IGFBP7: variants seen among roughly 807,000 people sequenced by gnomAD.
The protein encoded by IGFBP7 is insulin-like growth factor-binding protein 7.
IGFBP7 carries 31 observed loss-of-function variants against 29.4 expected under a neutral mutation model. The observed-to-expected ratio is 1.05, with a 90% CI of 0.79 to 1.42. The LOEUF (loss-of-function observed/expected upper bound fraction) is 1.42, where lower values mean the gene tolerates loss of function less well. Ranked by LOEUF, IGFBP7 falls within the 40% of genes most tolerant of loss-of-function variation. The pLI is 0.00. For synonymous variants in IGFBP7, 172 were observed against 174.9 expected (o/e 0.98, Z 0.13); for missense variants, 393 against 395.5 (o/e 0.99, Z 0.05).
chr4:57,058,246 C>A (rs557708149), intron 1 of IGFBP7, among the ~76,000 whole-genome samples: 2 of 152,170 alleles, frequency 1.3e-5, no homozygotes, highest in Non-Finnish European at 2.9e-5. Context: ...CTTTCTGGAA[C>A]ATACTGATCA....
At chr4:57,043,028 C>T (rs1301101960) in intron 1 of IGFBP7, among the ~76,000 whole-genome samples, 3 of 152,202 alleles carry the variant, frequency 2.0e-5, no homozygotes, top group African/African-American at 4.8e-5. Context: ...ACCGAGAGAG[C>T]GGGTGCTTGC....
At chr4:57,093,759 C>T (rs1725693047) in intron 1 of IGFBP7, among the ~76,000 whole-genome samples, 1 of 152,090 alleles carries the variant, frequency 6.6e-6, no homozygotes, top group Non-Finnish European at 1.5e-5. Flanking sequence ...TAGCTCAAGT[C>T]TAAGCAAACA....
In IGFBP7 at chr4:57,068,828, A is replaced by C. The variant is rs527244977; in HGVS notation, c.476-27895T>G. Among the ~76,000 whole-genome samples the C allele has an allele frequency of 3.9e-5, 6 of 152,324 alleles. No homozygotes were observed. In the South Asian group the frequency reaches 1.2e-3, roughly 32 times the overall value. The stretch of plus-strand genomic sequence containing the variant: ...TTAGAACATGGGCTCATGCCCTCAA[A>C]GTTGACTGATAGCTGGAGCATGCTT... On this transcript the variant is annotated intron_variant, in intron 1 of 4. Transcript: ENST00000295666.
intron 1 of IGFBP7, among the ~76,000 whole-genome samples, chr4:57,087,013 C>T (rs927926339): frequency 1.3e-5 from 2 of 152,172 alleles, no homozygotes; most frequent in South Asian, 2.1e-4. Context: ...GGACCACAGG[C>T]GTGAGCCACT....
At chr4:57,069,205 G>T (rs1724996638) in intron 1 of IGFBP7, among the ~76,000 whole-genome samples, 1 of 152,176 alleles carries the variant, frequency 6.6e-6, no homozygotes, top group Non-Finnish European at 1.5e-5. Context: ...GAGTTGTCCA[G>T]TAAAGAAACT....
intron 1 of IGFBP7, among the ~76,000 whole-genome samples, chr4:57,081,522 C>A (rs1229417994): frequency 6.6e-6 from 1 of 151,992 alleles, no homozygotes; most frequent in East Asian, 1.9e-4. Context: ...TTAGTCACAT[C>A]CTTCTTGGTG....
intron 1 of IGFBP7, among the ~76,000 whole-genome samples, chr4:57,070,188 T>C (rs946091409): frequency 6.6e-6 from 1 of 152,220 alleles, no homozygotes; most frequent in Non-Finnish European, 1.5e-5. Flanking sequence ...TTCCTCTTTC[T>C]TCTAGAAGTT....
intron 4 of IGFBP7, 47 bp from the exon 5 acceptor site, chr4:57,031,383 T>C (rs1420804497): frequency 2.1e-6 from 3 of 1,461,850 alleles, no homozygotes; most frequent in Non-Finnish European, 2.8e-6. Flanking sequence ...TATGGGGATG[T>C]GGTTGACTTT....
chr4:57,093,679 T>C (rs1282926621), intron 1 of IGFBP7, among the ~76,000 whole-genome samples: 1 of 152,116 alleles, frequency 6.6e-6, no homozygotes, highest in Non-Finnish European at 1.5e-5. Flanking sequence ...TACTGCATAT[T>C]TTTTCCTTAG....
At chr4:57,101,148 A>G (rs2109804060) in intron 1 of IGFBP7, among the ~76,000 whole-genome samples, 1 of 152,352 alleles carries the variant, frequency 6.6e-6, no homozygotes, top group Admixed American at 6.5e-5. Flanking sequence ...GACCTTCTCA[A>G]TAATCCTGTG....
intron 1 of IGFBP7, among the ~76,000 whole-genome samples, chr4:57,066,101 C>T (rs568657189): frequency 4.1e-4 from 63 of 152,296 alleles, no homozygotes; most frequent in Middle Eastern, 6.8e-3. Flanking sequence ...TTTATCAAAT[C>T]CACCCCCCAC....
chr4:57,055,936 A>G (rs1718835), intron 1 of IGFBP7, among the ~76,000 whole-genome samples: 136,674 of 152,058 alleles, frequency 0.9, 61,779 homozygotes, highest in East Asian at 0.98. Flanking sequence ...TCAGACTTCC[A>G]TGGAGCAGAG....
At chr4:57,077,850 A>T (rs1344865528) in intron 1 of IGFBP7, among the ~76,000 whole-genome samples, 1 of 152,212 alleles carries the variant, frequency 6.6e-6, no homozygotes, top group African/African-American at 2.4e-5. Flanking sequence ...CATCTACAGA[A>T]TGGGGTAATA....
chr4:57,093,930 G>C (rs531452097), intron 1 of IGFBP7, among the ~76,000 whole-genome samples: 1 of 152,250 alleles, frequency 6.6e-6, no homozygotes, highest in African/African-American at 2.4e-5. Flanking sequence ...ATGTACCTTT[G>C]TTCATTTTTT....
intron 1 of IGFBP7, among the ~76,000 whole-genome samples, chr4:57,068,082 T>A (rs956905040): frequency 6.6e-6 from 1 of 151,988 alleles, no homozygotes; most frequent in African/African-American, 2.4e-5. Context: ...GTCACAGCAC[T>A]TTGGGAGGCT....
intron 1 of IGFBP7, among the ~76,000 whole-genome samples, chr4:57,080,588 C>T (rs1192001682): frequency 6.6e-6 from 1 of 152,162 alleles, no homozygotes; most frequent in African/African-American, 2.4e-5. Flanking sequence ...AGTGCAGTAG[C>T]ATGATCATGG....
chr4:57,036,385 T>G (rs1431988399), intron 2 of IGFBP7, among the ~76,000 whole-genome samples: 1 of 152,224 alleles, frequency 6.6e-6, no homozygotes, highest in Non-Finnish European at 1.5e-5. Context: ...TAGAGGTCAC[T>G]ATTTTTGATT....
intron 1 of IGFBP7, among the ~76,000 whole-genome samples, chr4:57,048,883 A>G (rs1724431338): frequency 6.6e-6 from 1 of 152,226 alleles, no homozygotes; most frequent in South Asian, 2.1e-4. Flanking sequence ...TGGACAAGCC[A>G]CTTAACCACT....
intron 1 of IGFBP7, among the ~76,000 whole-genome samples, chr4:57,104,559 G>A (rs1725975618): frequency 6.6e-6 from 1 of 152,158 alleles, no homozygotes; most frequent in South Asian, 2.1e-4. Flanking sequence ...ACATTTAAAT[G>A]ATATATTATC....
Sources: allele counts gnomAD v4.1 joint callset (sites outside exome capture counted in the v4.1 genomes callset), GRCh38; gene constraint gnomAD v4.1.1; transcripts MANE v1.5; gene names NCBI Gene and HGNC (gene_info 2026-07-23, HGNC 2026-07-21).